ATP6V0A4: variants seen among roughly 807,000 people sequenced by gnomAD.
The protein encoded by ATP6V0A4 is V-type proton ATPase 116 kDa subunit a 4.
A neutral mutation model predicts 107.3 loss-of-function variants in ATP6V0A4; 86 were observed. The observed-to-expected ratio is 0.80, with a 90% CI of 0.67 to 0.96. ATP6V0A4 has a LOEUF of 0.96. Among genes scored for constraint, ATP6V0A4 ranks in the 40% least tolerant of loss-of-function variants. ATP6V0A4 has a pLI of 0.00. For missense variants in ATP6V0A4, 908 were observed against 1,045.6 expected, an observed-to-expected ratio of 0.87 and a Z score of 1.81; for synonymous variants, 353 against 381.4, an observed-to-expected ratio of 0.93 and a Z score of 0.87.
intron 14 of ATP6V0A4, among the ~76,000 whole-genome samples, chr7:138,740,205 G>C (rs1805555137): frequency 6.6e-6 from 1 of 151,988 alleles, no homozygotes; most frequent in Non-Finnish European, 1.5e-5. Flanking sequence ...TAGAAAGCAG[G>C]GATGCTGGGA....
intron 1 of ATP6V0A4, among the ~76,000 whole-genome samples, chr7:138,791,565 T>C (rs191739117): frequency 9.9e-4 from 150 of 152,188 alleles, no homozygotes; most frequent in Non-Finnish European, 1.8e-3. Context: ...AAGAAAAATT[T>C]AAAAACAGCC....
In ATP6V0A4 at chr7:138,755,724, CCAA is replaced by C; in HGVS notation, c.778_780del (p.Leu260del). 1 of 1,613,934 alleles carries C rather than the reference CCAA, an allele frequency of 6.2e-7. No individual in the cohort carries two copies. Among genetic ancestry groups the C allele is most frequent in the Non-Finnish European group, 8.5e-7 (1 of 1,180,034 alleles). ...TCTTCCAGCCTCACATTGACGCTCT[CCAA>C]CATCTCTCTGCGCTCCACCGCAGGC... On this transcript the variant is annotated inframe_deletion, in exon 10 of 22. Transcript: ENST00000310018.
At chr7:138,745,391 G>A in intron 13 of ATP6V0A4, 111 bp from the exon 14 acceptor site, 1 of 1,510,112 alleles carries the variant, frequency 6.6e-7, no homozygotes, top group Non-Finnish European at 9.1e-7. Flanking sequence ...ACCCTTGGGG[G>A]AGCCACATGA....
At chr7:138,763,966 C>CAAAAA (rs1403231996) in intron 5 of ATP6V0A4, among the ~76,000 whole-genome samples, 8 of 128,184 alleles carry the variant, frequency 6.2e-5, no homozygotes, top group African/African-American at 2.3e-4. Flanking sequence ...GACTCTGTCT[C>CAAAAA]AAAAAAAAAA....
At chr7:138,795,048 C>T (rs940827888) in intron 1 of ATP6V0A4, among the ~76,000 whole-genome samples, 1 of 152,094 alleles carries the variant, frequency 6.6e-6, no homozygotes, top group African/African-American at 2.4e-5. Flanking sequence ...CAGGCATGCA[C>T]CACCACGCCT....
chr7:138,764,550 C>A (rs1290271298), intron 5 of ATP6V0A4, among the ~76,000 whole-genome samples: 3 of 151,984 alleles, frequency 2.0e-5, no homozygotes, highest in African/African-American at 7.3e-5. Flanking sequence ...TGAATATGTG[C>A]CTTGAAGTGT....
chr7:138,719,112 G>A (rs1406520173), intron 19 of ATP6V0A4, among the ~76,000 whole-genome samples: 2 of 152,134 alleles, frequency 1.3e-5, no homozygotes, highest in Non-Finnish European at 2.9e-5. Flanking sequence ...CTTGGGCTCA[G>A]GAGGTCAAGG....
chr7:138,770,524 A>T (rs1266001704), intron 3 of ATP6V0A4, among the ~76,000 whole-genome samples: 2 of 152,174 alleles, frequency 1.3e-5, no homozygotes, highest in African/African-American at 4.8e-5. Flanking sequence ...GAACAACAAG[A>T]TGTGATTCTT....
chr7:138,761,827 G>A (rs1171923201), intron 7 of ATP6V0A4, among the ~76,000 whole-genome samples: 2 of 151,930 alleles, frequency 1.3e-5, no homozygotes, highest in Non-Finnish European at 2.9e-5. Flanking sequence ...TTACAGGCAC[G>A]TGCGACCATG....
chr7:138,745,962 A>AATATATATATAT lies in ATP6V0A4; in HGVS notation c.1321-694_1321-683dup, dbSNP rs1554396064. 2.3e-3 allele frequency among the ~76,000 whole-genome samples: 149 copies of AATATATATATAT among 65,566 alleles called. 2 individuals are homozygous for AATATATATATAT. The highest frequency in any genetic ancestry group is 3.6e-3 in the African/African-American group (53 of 14,924). The allele number at this position is 65,566 out of a possible 152,430, so 43.0% of individuals were successfully genotyped here. ...CTGTCTCAAAAAAAAAAAAAAAAAA[A>AATATATATATAT]ATATATATATATATATAAAATATAT... On this transcript the variant is annotated intron_variant, in intron 13 of 21. Transcript: ENST00000310018.
intron 11 of ATP6V0A4, among the ~76,000 whole-genome samples, chr7:138,752,381 T>TAA (rs1175560461): frequency 0.39 from 58,142 of 149,762 alleles, 11,488 homozygotes; most frequent in East Asian, 0.53. Context: ...TTTTTTTTTT[T>TAA]AAAAAAACCT....
chr7:138,765,905 A>G (rs1272820454), intron 5 of ATP6V0A4, among the ~76,000 whole-genome samples: 1 of 152,068 alleles, frequency 6.6e-6, no homozygotes, highest in Non-Finnish European at 1.5e-5. Flanking sequence ...GCACACCACC[A>G]CACCCAGCTG....
chr7:138,761,886 C>G (rs9642115), intron 7 of ATP6V0A4, among the ~76,000 whole-genome samples: 152,160 of 152,162 alleles, frequency 1, 76,079 homozygotes, highest in Non-Finnish European at 1. Flanking sequence ...CACTATGTTG[C>G]CCAGGCTGGT....
chr7:138,734,994 A>G (rs558860743), intron 15 of ATP6V0A4, among the ~76,000 whole-genome samples: 31 of 152,276 alleles, frequency 2.0e-4, no homozygotes, highest in African/African-American at 7.0e-4. Flanking sequence ...TCCTGTAGCC[A>G]ATCTTTGCAA....
chr7:138,726,498 G>A (rs1184957289), intron 18 of ATP6V0A4, among the ~76,000 whole-genome samples: 1 of 152,238 alleles, frequency 6.6e-6, no homozygotes, highest in Non-Finnish European at 1.5e-5. Flanking sequence ...GCCCTCTAGT[G>A]GAGAGGTTCC....
intron 1 of ATP6V0A4, among the ~76,000 whole-genome samples, chr7:138,790,121 A>G (rs1584955173): frequency 6.6e-6 from 1 of 152,158 alleles, no homozygotes; most frequent in East Asian, 1.9e-4. Context: ...TATGACTACT[A>G]CTAACATTTT....
chr7:138,754,209 G>A (rs895341676), intron 10 of ATP6V0A4, among the ~76,000 whole-genome samples: 4 of 152,092 alleles, frequency 2.6e-5, no homozygotes, highest in Admixed American at 2.6e-4. Context: ...AGCACTTTGG[G>A]AGGATGAGGT....
intron 15 of ATP6V0A4, among the ~76,000 whole-genome samples, chr7:138,734,777 CAA>C (rs528307650): frequency 0.43 from 46,334 of 108,004 alleles, 9,076 homozygotes; most frequent in East Asian, 0.72. Context: ...GACTCTGTCT[CAA>C]AAAAAAAAAA....
rs1192336396 is a variant in ATP6V0A4 at position 138,773,072 on chromosome 7, A to G, written c.-17-1808T>C. 6.6e-6 allele frequency among the ~76,000 whole-genome samples: 1 copy of G among 152,034 alleles called. No individual in the cohort carries two copies. The highest frequency in any genetic ancestry group is 2.4e-5 in the African/African-American group (1 of 41,392). On this transcript the variant is annotated intron_variant, in intron 2 of 21. Transcript: ENST00000310018. This position sits in a 1 kb window ranked among gnomAD's most constrained non-coding sequence, Gnocchi z 5.4. Reference sequence around the variant, plus strand: ...GTCAACCTTCTGGAAGAATTTCCACACCTCCAGAGTAGATTTAATTTTATC... The same window carrying G: ...GTCAACCTTCTGGAAGAATTTCCACGCCTCCAGAGTAGATTTAATTTTATC...
Sources: gnomAD v4.1 joint callset for allele counts (sites outside exome capture counted in the v4.1 genomes callset) on GRCh38, gnomAD v4.1.1 for gene constraint, Gnocchi (gnomAD v3.1) non-coding constraint, MANE v1.5 for transcripts, NCBI Gene and HGNC (gene_info 2026-07-23, HGNC 2026-07-21) for gene names.